VTI1A: variants seen among roughly 807,000 people sequenced by gnomAD.
The protein encoded by VTI1A is vesicle transport through interaction with t-SNAREs homolog 1A.
Under a neutral mutation model 34.9 loss-of-function variants are expected in VTI1A, and 22 were observed. The ratio of observed to expected loss-of-function variants is 0.63; its 90% CI spans 0.45 to 0.90. The LOEUF is 0.90. VTI1A is among the 40% of genes least tolerant of loss of function. The pLI is 0.00. For missense variants in VTI1A, 268 were observed against 275.6 expected (o/e 0.97, Z 0.20); for synonymous variants, 87 against 97.3 (o/e 0.89, Z 0.62).
At chr10:112,757,127 A>G (rs1234513896) in intron 7 of VTI1A, among the ~76,000 whole-genome samples, 1 of 151,864 alleles carries the variant, frequency 6.6e-6, no homozygotes, top group African/African-American at 2.4e-5. Flanking sequence ...GGCCTCCATT[A>G]GCTACTGTAG....
intron 5 of VTI1A, among the ~76,000 whole-genome samples, chr10:112,648,443 G>T (rs1033075777): frequency 7.9e-5 from 12 of 152,106 alleles, no homozygotes; most frequent in African/African-American, 2.9e-4. Flanking sequence ...GAACAGTTCT[G>T]GTACCAAGCT....
chr10:112,721,358 T>C (rs1590114330), intron 7 of VTI1A, among the ~76,000 whole-genome samples: 1 of 152,216 alleles, frequency 6.6e-6, no homozygotes, highest in East Asian at 1.9e-4. Context: ...AGAAGTAGAA[T>C]ATATGGTTCT....
At chr10:112,619,613 AT>A (rs1400724385) in intron 5 of VTI1A, among the ~76,000 whole-genome samples, 2 of 152,142 alleles carry the variant, frequency 1.3e-5, no homozygotes, top group African/African-American at 4.8e-5. Flanking sequence ...ACCATACCTA[AT>A]TTTTGCAGAA....
chr10:112,694,147 A>G (rs948126020), intron 7 of VTI1A, among the ~76,000 whole-genome samples: 2 of 152,192 alleles, frequency 1.3e-5, no homozygotes, highest in Non-Finnish European at 2.9e-5. Flanking sequence ...CGGAGCTTGC[A>G]GTGAGCTGAG....
intron 5 of VTI1A, among the ~76,000 whole-genome samples, chr10:112,611,181 G>A (rs750066543): frequency 2.0e-4 from 30 of 152,178 alleles, no homozygotes; most frequent in Non-Finnish European, 3.2e-4. Context: ...ATAGAGTAAT[G>A]TTACTTGCTG....
intron 1 of VTI1A, among the ~76,000 whole-genome samples, chr10:112,458,548 T>C (rs1847620436): frequency 6.6e-6 from 1 of 152,114 alleles, no homozygotes; most frequent in Non-Finnish European, 1.5e-5. Context: ...TGACAACTGT[T>C]CCCCCTCTGT....
At chr10:112,573,316 G>A (rs1457115997) in intron 5 of VTI1A, among the ~76,000 whole-genome samples, 1 of 152,010 alleles carries the variant, frequency 6.6e-6, no homozygotes, top group African/African-American at 2.4e-5. Flanking sequence ...TCAAGACTAA[G>A]CCCTAGATCT....
chr10:112,807,862 T>A (rs1590203501), intron 7 of VTI1A, among the ~76,000 whole-genome samples: 1 of 149,056 alleles, frequency 6.7e-6, no homozygotes, highest in Non-Finnish European at 1.5e-5. Context: ...TCAAAAAAAA[T>A]AAAAAATAAA....
In VTI1A at chr10:112,657,327, ACTTT is replaced by A. The variant is rs765173602; in HGVS notation, c.428-10887_428-10884del. 9.9e-4 allele frequency among the ~76,000 whole-genome samples: 151 copies of A among 152,132 alleles called. 1 individual carries two copies. Among genetic ancestry groups the A allele is most frequent in the Non-Finnish European group, 2.0e-3 (136 of 68,030 alleles). ...TTTTCCATTTATTCAGTATATCTAT[ACTTT>A]CTTCTCCTATTTTAACCCAGGTATC... On this transcript the variant is annotated intron_variant, in intron 5 of 7. Coordinates refer to ENST00000393077, the MANE Select transcript of VTI1A (RefSeq NM_145206.4).
chr10:112,716,920 C>A (rs1849631249), intron 7 of VTI1A, among the ~76,000 whole-genome samples: 1 of 152,332 alleles, frequency 6.6e-6, no homozygotes, highest in East Asian at 1.9e-4. Context: ...GCCAGTGGTA[C>A]CTTAGAGGGG....
rs60872394 is a variant in VTI1A, at chr10:112,675,489, G to A, written c.560+6491G>A. ...CTACCAGATTCCACCATTGAGGGTG[G>A]GCTGAAGGCGCTCAGCTGCAGCTAC... On this transcript the variant is annotated intron_variant, in intron 7 of 7. Coordinates refer to ENST00000393077, the MANE Select transcript of VTI1A (RefSeq NM_145206.4). 7.6e-3 allele frequency among the ~76,000 whole-genome samples: 1,160 copies of A among 152,244 alleles called. 15 individuals carry two copies. Among genetic ancestry groups the A allele is most frequent in the African/African-American group, 0.027 (1,114 of 41,536 alleles).
At chr10:112,714,989 C>T (rs1849554102) in intron 7 of VTI1A, among the ~76,000 whole-genome samples, 1 of 152,160 alleles carries the variant, frequency 6.6e-6, no homozygotes, top group Admixed American at 6.5e-5. Context: ...CCAAAACTTA[C>T]CCATCACATT....
intron 3 of VTI1A, among the ~76,000 whole-genome samples, chr10:112,485,632 G>A (rs543811886): frequency 6.6e-6 from 1 of 152,274 alleles, no homozygotes; most frequent in East Asian, 1.9e-4. Flanking sequence ...AGCTCTTTTG[G>A]TATAAATATG....
At chr10:112,727,987 C>G (rs1477533968) in intron 7 of VTI1A, among the ~76,000 whole-genome samples, 1 of 152,096 alleles carries the variant, frequency 6.6e-6, no homozygotes, top group African/African-American at 2.4e-5. Flanking sequence ...CCCTCTTCAC[C>G]ACCCCCATAC....
chr10:112,744,841 G>A (rs564301437), intron 7 of VTI1A, among the ~76,000 whole-genome samples: 103 of 152,266 alleles, frequency 6.8e-4, no homozygotes, highest in Middle Eastern at 6.8e-3. Context: ...GATCCAGCAC[G>A]TTCAGCATCT....
At chr10:112,725,918 A>G (rs1850006211) in intron 7 of VTI1A, among the ~76,000 whole-genome samples, 1 of 152,040 alleles carries the variant, frequency 6.6e-6, no homozygotes. Context: ...ACATGATTCC[A>G]CTAGTCTTTT....
At chr10:112,489,900 A>G (rs1015267176) in intron 3 of VTI1A, among the ~76,000 whole-genome samples, 1 of 152,148 alleles carries the variant, frequency 6.6e-6, no homozygotes, top group Non-Finnish European at 1.5e-5. Context: ...CAAATTCCTC[A>G]CAATAAAAAA....
intron 5 of VTI1A, among the ~76,000 whole-genome samples, chr10:112,593,499 T>C (rs958457285): frequency 1.3e-5 from 2 of 152,208 alleles, no homozygotes; most frequent in Non-Finnish European, 2.9e-5. Flanking sequence ...TTGCCTCTTT[T>C]TTCCCATCTC....
At chr10:112,840,991 G>A in the VTI1A span, among the ~76,000 whole-genome samples, 1 of 152,182 alleles carries the variant, frequency 6.6e-6, no homozygotes, top group African/African-American at 2.4e-5. Context: ...GCCTTCAACA[G>A]AAACTAGCAG....
Sources: gnomAD v4.1 joint callset for allele counts (sites outside exome capture counted in the v4.1 genomes callset) on GRCh38, gnomAD v4.1.1 for gene constraint, MANE v1.5 for transcripts, NCBI Gene and HGNC (gene_info 2026-07-23, HGNC 2026-07-21) for gene names.